ELOVL6: variants seen among roughly 807,000 people sequenced by gnomAD.
ELOVL6 encodes the protein ELOVL fatty acid elongase 6, also known as very long chain fatty acid elongase 6.
A neutral mutation model predicts 31.7 loss-of-function variants in ELOVL6; 8 were observed. The observed-to-expected ratio is 0.25, with a 90% confidence interval of 0.15 to 0.45. ELOVL6 has a LOEUF of 0.45. ELOVL6 is among the 20% of genes least tolerant of loss of function. ELOVL6 has a pLI of 1.00. For synonymous variants in ELOVL6, 101 were observed against 117.7 expected, an observed-to-expected ratio of 0.86 and a Z score of 0.92; for missense variants, 126 against 326.4, an observed-to-expected ratio of 0.39 and a Z score of 4.73.
chr4:110,092,764 T>C (rs1203240306), intron 2 of ELOVL6, among the ~76,000 whole-genome samples: 2 of 152,080 alleles, frequency 1.3e-5, no homozygotes, highest in Non-Finnish European at 2.9e-5. Context: ...GTCTGAAGAA[T>C]TTTTTAAGGA....
At chr4:110,115,619 T>C (rs1757148772) in intron 1 of ELOVL6, among the ~76,000 whole-genome samples, 4 of 152,082 alleles carry the variant, frequency 2.6e-5, no homozygotes, top group Admixed American at 2.6e-4. Context: ...TATGGCAACA[T>C]TTTGACTGGG....
chr4:110,056,838 G>A (rs1754999168), intron 3 of ELOVL6, among the ~76,000 whole-genome samples: 1 of 152,128 alleles, frequency 6.6e-6, no homozygotes, highest in Admixed American at 6.6e-5. Flanking sequence ...GGGCTCAAGA[G>A]GGAACACTGT....
intron 1 of ELOVL6, among the ~76,000 whole-genome samples, chr4:110,156,646 A>G (rs1758427383): frequency 1.3e-5 from 2 of 152,176 alleles, no homozygotes; most frequent in African/African-American, 2.4e-5. Context: ...GGATTGCACC[A>G]CTGCACTCCA....
At chr4:110,090,498 G>A (rs1308582736) in intron 2 of ELOVL6, among the ~76,000 whole-genome samples, 2 of 151,954 alleles carry the variant, frequency 1.3e-5, no homozygotes, top group African/African-American at 4.8e-5. Flanking sequence ...CTCACACTTG[G>A]TGCTGGACCT....
Position 110,154,610 on chromosome 4 carries a change from A to C in ELOVL6, c.89+43637T>G, listed in dbSNP as rs62326601. Reference sequence around the variant, plus strand: ...GTGTGTTGCCCAGGCTGTGATATTAATTTCTTGATGTGAACATGTGATTGC... The same window carrying C: ...GTGTGTTGCCCAGGCTGTGATATTACTTTCTTGATGTGAACATGTGATTGC... On this transcript the variant is annotated intron_variant, in intron 1 of 3. Transcript: ENST00000302274. Among the ~76,000 whole-genome samples, 554 of 152,264 alleles carry C rather than the reference A, an allele frequency of 3.6e-3. 1 individual carries two copies. The highest frequency in any genetic ancestry group is 5.7e-3 in the Admixed American group (87 of 15,290).
intron 1 of ELOVL6, among the ~76,000 whole-genome samples, chr4:110,172,175 T>C (rs1758968827): frequency 6.6e-6 from 1 of 152,088 alleles, no homozygotes; most frequent in Admixed American, 6.6e-5. Flanking sequence ...ATTGGGACTT[T>C]AACCTGTGGG....
At chr4:110,184,038 AATAG>A (rs1486841270) in intron 1 of ELOVL6, among the ~76,000 whole-genome samples, 3 of 152,222 alleles carry the variant, frequency 2.0e-5, no homozygotes, top group African/African-American at 4.8e-5. Flanking sequence ...CTCTGATTGG[AATAG>A]ATAGTTTGAG....
intron 2 of ELOVL6, among the ~76,000 whole-genome samples, chr4:110,105,066 C>T (rs1756848269): frequency 6.6e-6 from 1 of 152,146 alleles, no homozygotes. Flanking sequence ...TGTCCAGTGT[C>T]TGGTCTATGT....
At chr4:110,094,248 C>CA (rs34049395) in intron 2 of ELOVL6, among the ~76,000 whole-genome samples, 19,255 of 114,496 alleles carry the variant, frequency 0.17, 1,605 homozygotes, top group African/African-American at 0.24. Flanking sequence ...AACTCCATCT[C>CA]AAAAAAAAAA....
intron 1 of ELOVL6, among the ~76,000 whole-genome samples, chr4:110,189,550 T>C (rs1759546238): frequency 8.2e-6 from 1 of 121,728 alleles, no homozygotes; most frequent in African/African-American, 3.3e-5. Flanking sequence ...GCCAAGATCA[T>C]GCCACTGCAC....
chr4:110,155,404 CA>C (rs993663413), intron 1 of ELOVL6, among the ~76,000 whole-genome samples: 11 of 150,922 alleles, frequency 7.3e-5, no homozygotes, highest in Admixed American at 1.3e-4. Flanking sequence ...TAATCTATAG[CA>C]AAAAAAATTA....
At chr4:110,141,080 T>A (rs1050605850) in intron 1 of ELOVL6, among the ~76,000 whole-genome samples, 5 of 152,122 alleles carry the variant, frequency 3.3e-5, no homozygotes, top group Admixed American at 2.6e-4. Context: ...TTGTTTTTTT[T>A]GAGATGGAGT....
At chr4:110,190,661 C>A (rs964848523) in intron 1 of ELOVL6, among the ~76,000 whole-genome samples, 4 of 152,074 alleles carry the variant, frequency 2.6e-5, no homozygotes, top group Non-Finnish European at 5.9e-5. Flanking sequence ...CCCGCCACCA[C>A]GCCCGGCTAA....
chr4:110,130,254 T>C (rs143813554), intron 1 of ELOVL6, among the ~76,000 whole-genome samples: 43 of 152,286 alleles, frequency 2.8e-4, no homozygotes, highest in Non-Finnish European at 5.6e-4. Flanking sequence ...TGTAAGGCAC[T>C]AAGTTCTGTT....
chr4:110,085,986 T>C (rs1433839406), intron 2 of ELOVL6, among the ~76,000 whole-genome samples: 1 of 152,194 alleles, frequency 6.6e-6, no homozygotes, highest in Non-Finnish European at 1.5e-5. Flanking sequence ...GCTCTAATTT[T>C]ATAGCTTTGG....
chr4:110,078,223 C>G (rs920055304), intron 2 of ELOVL6, among the ~76,000 whole-genome samples: 1 of 152,122 alleles, frequency 6.6e-6, no homozygotes, highest in Non-Finnish European at 1.5e-5. Context: ...CATTCATATT[C>G]AGGAAATACA....
Position 110,047,419 on chromosome 4 carries a change from T to C in ELOVL6, c.*3919A>G, listed in dbSNP as rs1446712908. 2.0e-5 allele frequency: 3 copies of C among 151,982 alleles called. No homozygotes were observed. The highest frequency in any genetic ancestry group is 4.4e-5 in the Non-Finnish European group (3 of 68,020). The allele number at this position is 151,982 out of a possible 1,614,324, so 9.4% of individuals were successfully genotyped here. A position where few individuals can be genotyped will look rare whatever the true frequency, so the allele number is the denominator to read the frequency against. On this transcript the variant is annotated 3_prime_UTR_variant, in exon 4 of 4. Coordinates refer to ENST00000302274, the MANE Select transcript of ELOVL6 (RefSeq NM_024090.3). ...CACCGTGGTCTCTGAGTAGAGGCTGTACTATCAGAATAAAGAAAAAATAGT... is the reference window on the plus strand; with the variant it reads ...CACCGTGGTCTCTGAGTAGAGGCTGCACTATCAGAATAAAGAAAAAATAGT...
intron 2 of ELOVL6, among the ~76,000 whole-genome samples, chr4:110,084,560 A>ATTTATATT (rs1274237811): frequency 2.0e-5 from 1 of 48,848 alleles, no homozygotes; most frequent in Non-Finnish European, 3.3e-5. Context: ...ACACACACAC[A>ATTTATATT]CAGATATATA....
intron 1 of ELOVL6, among the ~76,000 whole-genome samples, chr4:110,133,067 G>A (rs1757715158): frequency 6.6e-6 from 1 of 152,122 alleles, no homozygotes; most frequent in African/African-American, 2.4e-5. Context: ...GAACCTAATG[G>A]GAAGGGCGGG....
Sources: gnomAD v4.1 joint callset for allele counts (sites outside exome capture counted in the v4.1 genomes callset) on GRCh38, gnomAD v4.1.1 for gene constraint, MANE v1.5 for transcripts, NCBI Gene and HGNC (gene_info 2026-07-23, HGNC 2026-07-21) for gene names.